The following PDE11A variants were observed in gnomAD, a reference collection of about 807,000 sequenced individuals.
The protein encoded by PDE11A is dual 3',5'-cyclic-AMP and -GMP phosphodiesterase 11A.
In PDE11A, 100 loss-of-function variants were observed where a neutral mutation model predicts 100.5. The observed-to-expected ratio is 1.00, with a 90% confidence interval of 0.85 to 1.18. PDE11A has a LOEUF of 1.18. Ranked by LOEUF, PDE11A falls within the 50% of genes most tolerant of loss-of-function variation. PDE11A has a pLI of 0.00. For missense variants in PDE11A, 1,141 were observed against 1,152.6 expected, an observed-to-expected ratio of 0.99 and a Z score of 0.15; for synonymous variants, 381 against 420.8, an observed-to-expected ratio of 0.91 and a Z score of 1.16.
At position 177,688,592 on chromosome 2, in the gene PDE11A, G is replaced by A. The variant is rs184125345; in HGVS notation, c.2346-7689C>T. Among the ~76,000 whole-genome samples, 380 of 152,280 alleles carry A rather than the reference G, an allele frequency of 2.5e-3. 1 individual carries two copies. The highest frequency in any genetic ancestry group is 5.0e-3 in the African/African-American group (207 of 41,546). On this transcript the variant is annotated intron_variant, in intron 15 of 19. Coordinates refer to ENST00000286063, the MANE Select transcript of PDE11A (RefSeq NM_016953.4). ...AGGAACTGTATCATTAACTTCTCAC[G>A]CAGATCATGGGGAACCTTGGTTTTC...
chr2:177,845,373 C>T lies in PDE11A; in HGVS notation c.1368-4990G>A, dbSNP rs1375654226. Among the ~76,000 whole-genome samples, 947 of 148,632 alleles carry T rather than the reference C, an allele frequency of 6.4e-3. 12 individuals carry two copies. The highest frequency in any genetic ancestry group is 0.022 in the African/African-American group (874 of 39,958). ...AGATGGGGTCTCGGCCGGGCAGAGGCGCTCCTCACATCCCAGACGGGGCAG... is the reference window on the plus strand; with the variant it reads ...AGATGGGGTCTCGGCCGGGCAGAGGTGCTCCTCACATCCCAGACGGGGCAG... On this transcript the variant is annotated intron_variant, in intron 5 of 19. Transcript: ENST00000286063.
intron 12 of PDE11A, among the ~76,000 whole-genome samples, chr2:177,722,664 A>C (rs1171767640): frequency 6.6e-6 from 1 of 152,174 alleles, no homozygotes; most frequent in Non-Finnish European, 1.5e-5. Flanking sequence ...GATTAGCCCC[A>C]TAGTTAATTT....
chr2:178,071,949 G>C lies in PDE11A; in HGVS notation c.489C>G (p.Ser163=), dbSNP rs779895947. The C allele has an allele frequency of 1.2e-6, 2 of 1,614,116 alleles. No homozygotes were observed. The highest frequency in any genetic ancestry group is 2.2e-5 in the South Asian group (2 of 91,076). ...GAATATGGGCTGTGGTGGGGGGCAG[G>C]GAGCTTGCCTTCCGGAGAAGTGCCC... is the stretch of plus-strand genomic sequence containing the variant. ...RRRALLRKAS[S]LPPTTAHILS... The change falls in exon 1 of 20, where the codon TCC becomes TCG. Residue 163 remains serine (S), a synonymous_variant. Coordinates refer to ENST00000286063, the MANE Select transcript of PDE11A (RefSeq NM_016953.4).
At chr2:178,076,195 C>A (rs1465243379), upstream of PDE11A, among the ~76,000 whole-genome samples, 1 of 152,196 alleles carries the variant, frequency 6.6e-6, no homozygotes, top group African/African-American at 2.4e-5. Context: ...TCTCCATCTA[C>A]CCTTTCCCAT....
intron 2 of PDE11A, among the ~76,000 whole-genome samples, chr2:177,977,055 C>T (rs551843283): frequency 0.017 from 309 of 17,704 alleles, 10 homozygotes; most frequent in African/African-American, 0.068. Context: ...TCTCTCACCG[C>T]TCCTATTCAA....
chr2:177,889,775 C>T (rs1272717863), intron 4 of PDE11A, among the ~76,000 whole-genome samples: 1 of 151,430 alleles, frequency 6.6e-6, no homozygotes, highest in African/African-American at 2.4e-5. Flanking sequence ...ATCATTTATT[C>T]CTTAAGCTTT....
At chr2:177,862,625 C>T (rs1458481071) in intron 5 of PDE11A, among the ~76,000 whole-genome samples, 1 of 151,768 alleles carries the variant, frequency 6.6e-6, no homozygotes, top group African/African-American at 2.4e-5. Context: ...TAACTTTAAC[C>T]ATGGAGGTGA....
chr2:177,972,872 G>A (rs2105798449), intron 2 of PDE11A, among the ~76,000 whole-genome samples: 1 of 152,304 alleles, frequency 6.6e-6, no homozygotes, highest in African/African-American at 2.4e-5. Flanking sequence ...CTTAGGTGGG[G>A]AAGAAAAGCT....
In PDE11A at chr2:177,880,406, C is replaced by T. The variant is rs557260136; in HGVS notation, c.1303-4483G>A. On this transcript the variant is annotated intron_variant, in intron 4 of 19. Coordinates refer to ENST00000286063, the MANE Select transcript of PDE11A (RefSeq NM_016953.4). ...ACTCTAGACACTAAGGCTCAGGCCC[C>T]GGTTGGCAAAATTTCATGCATCTTG... Among the ~76,000 whole-genome samples the T allele has an allele frequency of 7.2e-5, 11 of 152,230 alleles. No individual in the cohort carries two copies. The South Asian group carries it at 1.5e-3, about 20-fold the overall frequency.
chr2:177,631,296 A>AG (rs2079915518), intron 19 of PDE11A, among the ~76,000 whole-genome samples: 2 of 39,694 alleles, frequency 5.0e-5, no homozygotes, highest in African/African-American at 1.4e-4. Context: ...AAATGCAAAA[A>AG]AAAAAAAAAA....
At chr2:177,861,000 T>C (rs965188391) in intron 5 of PDE11A, among the ~76,000 whole-genome samples, 6 of 151,818 alleles carry the variant, frequency 4.0e-5, no homozygotes, top group African/African-American at 1.4e-4. Flanking sequence ...GGTAAAAGAC[T>C]GAATGTTTTA....
intron 12 of PDE11A, among the ~76,000 whole-genome samples, chr2:177,721,559 C>A (rs2081525596): frequency 6.6e-6 from 1 of 151,856 alleles, no homozygotes; most frequent in African/African-American, 2.4e-5. Flanking sequence ...TAAAAGGAAC[C>A]AAAAGAAAAA....
At chr2:177,892,756 T>A (rs1277385989) in intron 4 of PDE11A, among the ~76,000 whole-genome samples, 1 of 152,242 alleles carries the variant, frequency 6.6e-6, no homozygotes, top group Non-Finnish European at 1.5e-5. Flanking sequence ...CAGTCATTCC[T>A]AACACTGGAT....
chr2:177,870,284 T>C (rs922549133), intron 5 of PDE11A, among the ~76,000 whole-genome samples: 22 of 152,362 alleles, frequency 1.4e-4, no homozygotes, highest in African/African-American at 5.3e-4. Flanking sequence ...CCACTTCTTA[T>C]TTCTACGTTT....
chr2:178,012,725 G>C (rs1047770226), intron 2 of PDE11A, among the ~76,000 whole-genome samples: 2 of 152,054 alleles, frequency 1.3e-5, no homozygotes, highest in East Asian at 3.9e-4. Context: ...TAACATAAAT[G>C]GAATCAAAGA....
intron 14 of PDE11A, among the ~76,000 whole-genome samples, chr2:177,700,811 T>A (rs1420598253): frequency 6.6e-6 from 1 of 152,208 alleles, no homozygotes; most frequent in Non-Finnish European, 1.5e-5. Flanking sequence ...CCCTTAGTGC[T>A]CTGTATCCTT....
At chr2:178,106,189 A>T (rs1344401752) in intron 1 of PDE11A, among the ~76,000 whole-genome samples, 1 of 152,262 alleles carries the variant, frequency 6.6e-6, no homozygotes, top group African/African-American at 2.4e-5. Flanking sequence ...TAACACAAAC[A>T]TTCTTAGTTA....
chr2:177,725,957 A>T (rs2105445068), intron 12 of PDE11A, among the ~76,000 whole-genome samples: 1 of 152,260 alleles, frequency 6.6e-6, no homozygotes. Flanking sequence ...ATAAATCCAT[A>T]GGTTTTCCCA....
chr2:177,981,291 T>A (rs945344965), intron 2 of PDE11A, among the ~76,000 whole-genome samples: 3 of 150,440 alleles, frequency 2.0e-5, no homozygotes, highest in African/African-American at 7.3e-5. Context: ...TACCACAAAT[T>A]AGGTGGCTTA....
Sources: gnomAD v4.1 joint callset for allele counts (sites outside exome capture counted in the v4.1 genomes callset) on GRCh38, gnomAD v4.1.1 for gene constraint, MANE v1.5 for transcripts, NCBI Gene and HGNC (gene_info 2026-07-23, HGNC 2026-07-21) for gene names.